Variants in PLEKHA1 observed in about 807,000 individuals in gnomAD.
The protein encoded by PLEKHA1 is pleckstrin homology domain containing A1, also known as pleckstrin homology domain-containing family A member 1.
In PLEKHA1, 34 loss-of-function variants were observed where a neutral mutation model predicts 52.0. That is an observed-to-expected ratio of 0.65 (90% confidence interval 0.50 to 0.87). The LOEUF is 0.87. Ranked by LOEUF, PLEKHA1 falls within the 40% of genes least tolerant of loss-of-function variation. The pLI is 0.00. For synonymous variants in PLEKHA1, 163 were observed against 170.7 expected, an observed-to-expected ratio of 0.95 and a Z score of 0.35; for missense variants, 497 against 504.2, an observed-to-expected ratio of 0.99 and a Z score of 0.14.
At chr10:122,397,331 A>T (rs2096864235) in intron 2 of PLEKHA1, among the ~76,000 whole-genome samples, 1 of 152,124 alleles carries the variant, frequency 6.6e-6, no homozygotes, top group African/African-American at 2.4e-5. Flanking sequence ...CACATCTGAA[A>T]CTTACGGGAA....
chr10:122,375,734 C>T (rs1048894625), intron 1 of PLEKHA1, among the ~76,000 whole-genome samples: 1 of 152,164 alleles, frequency 6.6e-6, no homozygotes, highest in Non-Finnish European at 1.5e-5. Flanking sequence ...CTCCTTTGCT[C>T]TCTGGGGGCA....
intron 3 of PLEKHA1, 136 bp from the exon 4 acceptor site, chr10:122,400,207 G>T (rs1281757309): frequency 6.5e-6 from 4 of 614,248 alleles, no homozygotes; most frequent in East Asian, 3.0e-5. Flanking sequence ...TCTTTTAGTT[G>T]TCTTTAATTT....
downstream of PLEKHA1, chr10:122,437,338 G>A (rs1444461646): frequency 6.6e-6 from 1 of 152,174 alleles, no homozygotes; most frequent in African/African-American, 2.4e-5. Context: ...AAAGATTGCA[G>A]GTAGAGCAGG....
chr10:122,442,258 T>C, the PLEKHA1 span: 1 of 152,140 alleles, frequency 6.6e-6, no homozygotes, highest in South Asian at 2.1e-4. Context: ...TTAACTGTAC[T>C]AGAGTCTTTA....
At chr10:122,429,493 T>TG in intron 11 of PLEKHA1, 131 bp from the exon 12 acceptor site, 5 of 809,258 alleles carry the variant, frequency 6.2e-6, no homozygotes, top group South Asian at 5.7e-5. Context: ...TGCTGCTGCC[T>TG]TTGTGTGTGT....
At chr10:122,383,203 A>G (rs575470036) in intron 1 of PLEKHA1, among the ~76,000 whole-genome samples, 7 of 152,152 alleles carry the variant, frequency 4.6e-5, no homozygotes, top group South Asian at 2.1e-4. Flanking sequence ...GCAACTACCA[A>G]CCCTGCCACC....
chr10:122,437,875 G>T, the PLEKHA1 span: 11 of 152,506 alleles, frequency 7.2e-5, no homozygotes, highest in African/African-American at 2.4e-4. Context: ...GAGTGGTGGG[G>T]ACAAATAGAA....
At chr10:122,383,990 C>A (rs2096652504) in intron 1 of PLEKHA1, among the ~76,000 whole-genome samples, 2 of 151,974 alleles carry the variant, frequency 1.3e-5, no homozygotes, top group African/African-American at 4.8e-5. Context: ...ATATTTGAAT[C>A]CCTGTGGTAG....
intron 5 of PLEKHA1, among the ~76,000 whole-genome samples, chr10:122,408,533 A>T (rs2097057801): frequency 6.6e-6 from 1 of 152,186 alleles, no homozygotes; most frequent in African/African-American, 2.4e-5. Flanking sequence ...GGAAAATATA[A>T]ATACATAGAA....
chr10:122,401,455 A>T (rs1233149862), intron 4 of PLEKHA1, among the ~76,000 whole-genome samples: 1 of 152,042 alleles, frequency 6.6e-6, no homozygotes, highest in Non-Finnish European at 1.5e-5. Flanking sequence ...AGGAAGGGTG[A>T]AAAGAAGGAA....
At chr10:122,433,063 A>G (rs953225680), downstream of PLEKHA1, 1 of 152,036 alleles carries the variant, frequency 6.6e-6, no homozygotes, top group Non-Finnish European at 1.5e-5. Flanking sequence ...TGTCTAATCC[A>G]TTGTCAGATC....
intron 1 of PLEKHA1, among the ~76,000 whole-genome samples, chr10:122,376,177 AAAT>A (rs1299952665): frequency 2.6e-5 from 4 of 152,150 alleles, no homozygotes; most frequent in East Asian, 3.9e-4. Flanking sequence ...CGTTATATTA[AAAT>A]AATAAGATTT....
intron 1 of PLEKHA1, among the ~76,000 whole-genome samples, chr10:122,389,487 G>T (rs2096746461): frequency 6.6e-6 from 1 of 152,216 alleles, no homozygotes; most frequent in African/African-American, 2.4e-5. Context: ...ATCACCTGAG[G>T]TCAGGAGTTT....
At chr10:122,421,094 C>T (rs1197797982) in intron 8 of PLEKHA1, 1 of 151,990 alleles carries the variant, frequency 6.6e-6, no homozygotes, top group Non-Finnish European at 1.5e-5. Flanking sequence ...AAGTGTTGTA[C>T]AAGGGGGAAA....
Position 122,401,603 on chromosome 10 carries a change from T to C in PLEKHA1, c.244+1215T>C, listed in dbSNP as rs75199021. Reference sequence around the variant, plus strand: ...AATGTTTGCTATGGAGTTGAAATGGTGGGGAACTTCCAAATGGAAATGTTC... The same window carrying C: ...AATGTTTGCTATGGAGTTGAAATGGCGGGGAACTTCCAAATGGAAATGTTC... On this transcript the variant is annotated intron_variant, in intron 4 of 11. Transcript: ENST00000368990. Among the ~76,000 whole-genome samples the C allele has an allele frequency of 1.4e-4, 22 of 152,132 alleles. No individual in the cohort carries two copies. The East Asian group carries it at 4.3e-3, about 29-fold the overall frequency.
chr10:122,400,824 T>C, intron 4 of PLEKHA1, among the ~76,000 whole-genome samples: 1 of 152,216 alleles, frequency 6.6e-6, no homozygotes, highest in East Asian at 1.9e-4. Context: ...AAATGTTTAG[T>C]ATATGCCAGG....
intron 1 of PLEKHA1, among the ~76,000 whole-genome samples, chr10:122,385,421 A>G (rs2096677099): frequency 6.7e-6 from 1 of 149,576 alleles, no homozygotes. Context: ...GGGTTCAAGC[A>G]ATTCTCCTGC....
In PLEKHA1 at chr10:122,415,852, A is replaced by G; in HGVS notation, c.469-7A>G. 2 of 1,603,358 alleles carry G rather than the reference A, an allele frequency of 1.2e-6. No homozygotes were observed. Among genetic ancestry groups the G allele is most frequent in the South Asian group, 1.1e-5 (1 of 89,988 alleles). On this transcript the variant is annotated splice_polypyrimidine_tract_variant and splice_region_variant and intron_variant, in intron 6 of 11. Transcript: ENST00000368990. The stretch of plus-strand genomic sequence containing the variant: ...GAAAATAATTTATTTATTTTGCTTC[A>G]TTTTAGAAAGAAGAAGTAAATGAAT...
chr10:122,424,040 G>C, intron 8 of PLEKHA1, 159 bp from the exon 9 acceptor site: 1 of 947,678 alleles, frequency 1.1e-6, no homozygotes, highest in South Asian at 1.8e-5. Flanking sequence ...GAGCTATTCA[G>C]ATGCTGGATG....
Sources: allele counts gnomAD v4.1 joint callset (sites outside exome capture counted in the v4.1 genomes callset), GRCh38; gene constraint gnomAD v4.1.1; transcripts MANE v1.5; gene names NCBI Gene and HGNC (gene_info 2026-07-23, HGNC 2026-07-21).